PPARG: variants seen among roughly 807,000 people sequenced by gnomAD.
The protein encoded by PPARG is peroxisome proliferator-activated receptor gamma.
PPARG carries 17 observed loss-of-function variants against 39.2 expected under a neutral mutation model. That is an observed-to-expected ratio of 0.43 (90% CI 0.30 to 0.65). PPARG has a LOEUF of 0.65. Among genes scored for constraint, PPARG ranks in the 30% least tolerant of loss-of-function variants. PPARG has a pLI of 0.13. For missense variants in PPARG, 406 were observed against 585.9 expected (o/e 0.69, Z 3.17); for synonymous variants, 223 against 215.7 (o/e 1.03, Z -0.30).
chr3:12,361,311 T>C (rs189572495), intron 2 of PPARG, among the ~76,000 whole-genome samples: 1 of 152,334 alleles, frequency 6.6e-6, no homozygotes, highest in East Asian at 1.9e-4. Context: ...TATCTCCTCT[T>C]ACTCTGTGTG....
In PPARG at chr3:12,390,793, G is replaced by A. The variant is rs533065148; in HGVS notation, c.391-1821G>A. On this transcript the variant is annotated intron_variant, in intron 4 of 7. Transcript: ENST00000651735. ...CAGAGTAGTAGCTGTGACTACAGGC[G>A]CATGCCACCACACCTGCCTAAATTT... 4.6e-5 allele frequency among the ~76,000 whole-genome samples: 7 copies of A among 151,780 alleles called. No homozygotes were observed. The South Asian group carries it at 1.2e-3, about 27-fold the overall frequency.
intron 2 of PPARG, among the ~76,000 whole-genome samples, chr3:12,375,447 T>G (rs945312242): frequency 6.6e-6 from 1 of 152,242 alleles, no homozygotes; most frequent in Non-Finnish European, 1.5e-5. Context: ...TCCACTACCT[T>G]TAACTCACTT....
intron 2 of PPARG, among the ~76,000 whole-genome samples, chr3:12,372,958 T>TCA (rs1418628151): frequency 6.6e-6 from 1 of 152,196 alleles, no homozygotes; most frequent in East Asian, 1.9e-4. Flanking sequence ...GTGAAATTAA[T>TCA]GGATATACCA....
At chr3:12,310,692 A>C (rs371436618) in intron 1 of PPARG, among the ~76,000 whole-genome samples, 1 of 83,870 alleles carries the variant, frequency 1.2e-5, no homozygotes, top group African/African-American at 4.1e-5. Context: ...CTCGATCTCC[A>C]GACCTCGTGA....
At chr3:12,361,235 A>T (rs1158770880) in intron 2 of PPARG, among the ~76,000 whole-genome samples, 1 of 152,146 alleles carries the variant, frequency 6.6e-6, no homozygotes, top group Non-Finnish European at 1.5e-5. Context: ...TCTTTCACCC[A>T]TTTTTATATT....
intron 2 of PPARG, among the ~76,000 whole-genome samples, chr3:12,373,621 C>G (rs941385305): frequency 6.6e-6 from 1 of 151,762 alleles, no homozygotes; most frequent in East Asian, 1.9e-4. Flanking sequence ...TTACTCTACT[C>G]TTCTGCATAA....
chr3:12,355,729 A>G (rs1189476709), intron 2 of PPARG, among the ~76,000 whole-genome samples: 1 of 152,228 alleles, frequency 6.6e-6, no homozygotes, highest in Non-Finnish European at 1.5e-5. Context: ...TTACAAGAAA[A>G]TACAGGGTTT....
At chr3:12,299,877 C>T (rs1050881212) in intron 1 of PPARG, among the ~76,000 whole-genome samples, 6 of 152,000 alleles carry the variant, frequency 3.9e-5, no homozygotes, top group South Asian at 2.1e-4. Context: ...ATAATATTTG[C>T]GTAAAAGGAG....
At chr3:12,411,214 A>G (rs1336720279) in intron 6 of PPARG, among the ~76,000 whole-genome samples, 2 of 152,162 alleles carry the variant, frequency 1.3e-5, no homozygotes, top group Admixed American at 1.3e-4. Flanking sequence ...TTTTTTTCCA[A>G]TGGCTGGACT....
Position 12,433,927 on chromosome 3 carries a change from A to G in PPARG, c.1210A>G (p.Ile404Val), listed in dbSNP as rs746500248. ...DRPGLLNVKP[I>V]EDIQDNLLQA... ...CCCAGGTTTGCTGAATGTGAAGCCC[A>G]TTGAAGACATTCAAGACAACCTGCT... is the stretch of plus-strand genomic sequence containing the variant. The change falls in exon 8 of 8, where the codon ATT becomes GTT. Residue 404 changes from isoleucine (I) to valine (V), a missense_variant. Physicochemically the swap from Ile to Val is conservative, Grantham distance 29. Around this residue, in one of 2 missense-constraint regions of PPARG, gnomAD observed 275 missense variants for 458.0 expected, o/e 0.60. Coordinates refer to ENST00000651735, the MANE Select transcript of PPARG (RefSeq NM_138711.6). 1.8e-5 allele frequency: 29 copies of G among 1,614,136 alleles called. No homozygotes were observed. The highest frequency in any genetic ancestry group is 2.4e-5 in the Non-Finnish European group (28 of 1,180,046).
chr3:12,380,770 C>T (rs1457737376), intron 3 of PPARG, among the ~76,000 whole-genome samples: 3 of 152,168 alleles, frequency 2.0e-5, no homozygotes, highest in Non-Finnish European at 4.4e-5. Context: ...AGTTCCGCCA[C>T]GCTCTGTCAA....
chr3:12,321,939 T>C (rs1048320153), intron 2 of PPARG, among the ~76,000 whole-genome samples: 3 of 152,242 alleles, frequency 2.0e-5, no homozygotes, highest in African/African-American at 7.2e-5. Context: ...ATTGAACATT[T>C]TCAGATATGC....
At chr3:12,333,953 T>C (rs1172384358) in intron 2 of PPARG, among the ~76,000 whole-genome samples, 1 of 152,192 alleles carries the variant, frequency 6.6e-6, no homozygotes, top group Non-Finnish European at 1.5e-5. Context: ...CTGTGAAACT[T>C]TGGCTTTTTT....
intron 1 of PPARG, among the ~76,000 whole-genome samples, chr3:12,293,747 A>G (rs2046708993): frequency 6.6e-6 from 1 of 152,200 alleles, no homozygotes; most frequent in Non-Finnish European, 1.5e-5. Flanking sequence ...AGGGAATGGA[A>G]AGAGGTTACT....
At chr3:12,345,365 A>G (rs889607695) in intron 2 of PPARG, among the ~76,000 whole-genome samples, 1 of 152,236 alleles carries the variant, frequency 6.6e-6, no homozygotes, top group African/African-American at 2.4e-5. Flanking sequence ...CCTGTGGTGA[A>G]TGATGACATT....
rs1365389088 is a variant in PPARG, at chr3:12,337,074, T to C, written c.-9+24621T>C. On this transcript the variant is annotated intron_variant, in intron 2 of 7. Transcript: ENST00000651735. ...AATATACTTGGGGAAATAAAACAAA[T>C]ATACGTGAAACAGATCAGGTCTAAA... 2.0e-5 allele frequency among the ~76,000 whole-genome samples: 3 copies of C among 152,302 alleles called. No individual in the cohort carries two copies. The East Asian group carries it at 5.8e-4, about 29-fold the overall frequency.
In PPARG at chr3:12,292,883, G is replaced by A. The variant is rs1215896026; in HGVS notation, c.-83+3749G>A. 5.3e-5 allele frequency among the ~76,000 whole-genome samples: 8 copies of A among 152,174 alleles called. 1 individual carries two copies. The highest frequency in any genetic ancestry group is 1.9e-4 in the African/African-American group (8 of 41,438). ...TGGGCCCCAAACTGCACACTGGACT[G>A]GCAAGCCACTCTGCCCACTGCAGTG... On this transcript the variant is annotated intron_variant, in intron 1 of 7. Transcript: ENST00000651735.
At chr3:12,327,787 C>A (rs1302848819) in intron 2 of PPARG, among the ~76,000 whole-genome samples, 1 of 152,114 alleles carries the variant, frequency 6.6e-6, no homozygotes, top group African/African-American at 2.4e-5. Flanking sequence ...GATTTTTCAG[C>A]CAAGGATGGC....
chr3:12,386,107 A>T (rs1407241035), intron 4 of PPARG, among the ~76,000 whole-genome samples: 1 of 152,206 alleles, frequency 6.6e-6, no homozygotes, highest in Non-Finnish European at 1.5e-5. Context: ...GTTGTTGAAA[A>T]TACATTGTTC....
Sources: gnomAD v4.1 joint callset for allele counts (sites outside exome capture counted in the v4.1 genomes callset) on GRCh38, gnomAD v4.1.1 for gene constraint, gnomAD v4.1.1 regional missense constraint, MANE v1.5 for transcripts, NCBI Gene and HGNC (gene_info 2026-07-23, HGNC 2026-07-21) for gene names.